Variants in SLC39A11 observed in about 807,000 individuals in gnomAD.
The protein encoded by SLC39A11 is solute carrier family 39 member 11.
SLC39A11 carries 33 observed loss-of-function variants against 36.1 expected under a neutral mutation model. That is an observed-to-expected ratio of 0.91 (90% CI 0.69 to 1.22). The LOEUF (loss-of-function observed/expected upper bound fraction) is 1.22, where lower values mean the gene tolerates loss of function less well. Among genes scored for constraint, SLC39A11 ranks in the 50% most tolerant of loss-of-function variants. The pLI, the probability that SLC39A11 is intolerant of heterozygous loss-of-function variation, is 0.00. For missense variants in SLC39A11, 432 were observed against 430.3 expected, an observed-to-expected ratio of 1.00 and a Z score of -0.03; for synonymous variants, 166 against 170.3, an observed-to-expected ratio of 0.97 and a Z score of 0.20.
rs140565861 is a variant in SLC39A11 at position 72,765,264 on chromosome 17, A to C, written c.602-28545T>G. Among the ~76,000 whole-genome samples the C allele has an allele frequency of 2.1e-3, 316 of 152,188 alleles. 1 individual carries two copies. Among genetic ancestry groups the C allele is most frequent in the African/African-American group, 7.3e-3 (303 of 41,534 alleles). On this transcript the variant is annotated intron_variant, in intron 6 of 9. Transcript: ENST00000255559. ...TCCCTGGACCCTTGACTCTTGACTC[A>C]ATCGGTTCTGAAGCTCCCACCTAGC...
intron 4 of SLC39A11, among the ~76,000 whole-genome samples, chr17:72,959,265 C>T (rs2086442158): frequency 6.9e-6 from 1 of 144,204 alleles, no homozygotes. Flanking sequence ...TGGAATCAAC[C>T]CAAATGCCCA....
At chr17:72,728,622 G>A (rs777683260) in intron 7 of SLC39A11, among the ~76,000 whole-genome samples, 30 of 152,230 alleles carry the variant, frequency 2.0e-4, no homozygotes, top group Non-Finnish European at 3.7e-4. Context: ...AAATGGGTGC[G>A]CGTATGCTCC....
chr17:72,887,344 A>G (rs4605238), intron 5 of SLC39A11, among the ~76,000 whole-genome samples: 75,092 of 151,878 alleles, frequency 0.49, 19,774 homozygotes, highest in East Asian at 0.72. Flanking sequence ...GAGAAAGTGC[A>G]TCGAAACTCC....
intron 5 of SLC39A11, among the ~76,000 whole-genome samples, chr17:72,899,897 G>C (rs527600656): frequency 8.7e-5 from 13 of 148,962 alleles, no homozygotes; most frequent in African/African-American, 3.2e-4. Flanking sequence ...GGGAGGTGGA[G>C]GTTGCAGTGA....
intron 6 of SLC39A11, among the ~76,000 whole-genome samples, chr17:72,792,229 CA>C: frequency 6.6e-6 from 1 of 152,316 alleles, no homozygotes; most frequent in Middle Eastern, 3.4e-3. Context: ...AGGTTGCACA[CA>C]GTGAACCAGA....
At position 72,930,088 on chromosome 17, in the gene SLC39A11, T is replaced by C. The variant is rs545740012; in HGVS notation, c.430+17664A>G. ...AAATGTCCTGTTCTGCAGGTTGAAATATACGATCAAAACCTGCTTTGTGTA... is the reference window on the plus strand; with the variant it reads ...AAATGTCCTGTTCTGCAGGTTGAAACATACGATCAAAACCTGCTTTGTGTA... On this transcript the variant is annotated intron_variant, in intron 5 of 9. Coordinates refer to ENST00000255559, the MANE Select transcript of SLC39A11 (RefSeq NM_139177.4). Among the ~76,000 whole-genome samples, 5 of 152,322 alleles carry C rather than the reference T, an allele frequency of 3.3e-5. No individual in the cohort carries two copies. In the South Asian group the frequency reaches 8.3e-4, roughly 25 times the overall value.
At chr17:72,647,840 C>A (rs74253711) in intron 9 of SLC39A11, among the ~76,000 whole-genome samples, 178 bp from the exon 10 acceptor site, 2 of 152,172 alleles carry the variant, frequency 1.3e-5, no homozygotes, top group East Asian at 3.8e-4. Context: ...GAACCCCAAA[C>A]AACAACCTCA....
rs145310951 is a variant in SLC39A11 at position 72,879,138 on chromosome 17, C to A, written c.431-29334G>T. The stretch of plus-strand genomic sequence containing the variant: ...TCCAGGCACACTATCCTCCAGGAAC[C>A]TCCAAGTGTTCAGCTATCAGGAACT... On this transcript the variant is annotated intron_variant, in intron 5 of 9. Coordinates refer to ENST00000255559, the MANE Select transcript of SLC39A11 (RefSeq NM_139177.4). Among the ~76,000 whole-genome samples the A allele has an allele frequency of 7.2e-5, 11 of 152,360 alleles. No individual in the cohort carries two copies. The East Asian group carries it at 1.9e-3, about 27-fold the overall frequency.
At chr17:73,069,923 A>T (rs898146160) in intron 3 of SLC39A11, among the ~76,000 whole-genome samples, 1 of 152,194 alleles carries the variant, frequency 6.6e-6, no homozygotes, top group Non-Finnish European at 1.5e-5. Context: ...AAAAAGTATA[A>T]AGTCTTGCTT....
In SLC39A11 at chr17:73,085,352, CAA is replaced by C. The variant is rs34697484; in HGVS notation, c.109-508_109-507del. Reference sequence around the variant, plus strand: ...TGAAACCCCATCTCTACTAAAAATACAAAAAAAAATAGGCTGGGTGCAAGGGT... The same window carrying C: ...TGAAACCCCATCTCTACTAAAAATACAAAAAAATAGGCTGGGTGCAAGGGT... On this transcript the variant is annotated intron_variant, in intron 2 of 9. Coordinates refer to ENST00000255559, the MANE Select transcript of SLC39A11 (RefSeq NM_139177.4). Among the ~76,000 whole-genome samples, 1,163 of 150,632 alleles carry C rather than the reference CAA, an allele frequency of 7.7e-3. 15 individuals are homozygous for C. The highest frequency in any genetic ancestry group is 0.026 in the African/African-American group (1,051 of 41,044).
chr17:72,869,442 T>A (rs1261567763), intron 5 of SLC39A11, among the ~76,000 whole-genome samples: 3 of 152,190 alleles, frequency 2.0e-5, no homozygotes, highest in Non-Finnish European at 4.4e-5. Context: ...TAGGCTGGAG[T>A]GCCATGGTGT....
intron 6 of SLC39A11, among the ~76,000 whole-genome samples, chr17:72,834,750 A>G (rs532164997): frequency 2.1e-4 from 32 of 152,380 alleles, no homozygotes; most frequent in Admixed American, 1.1e-3. Context: ...TTCCTAATAC[A>G]AAAATGTATT....
intron 6 of SLC39A11, among the ~76,000 whole-genome samples, chr17:72,843,753 G>GT (rs1160593925): frequency 6.6e-6 from 1 of 152,184 alleles, no homozygotes; most frequent in African/African-American, 2.4e-5. Flanking sequence ...ACATCCTCTT[G>GT]TGAGATGGTG....
At chr17:72,676,960 C>A (rs905856780) in intron 7 of SLC39A11, among the ~76,000 whole-genome samples, 2 of 152,154 alleles carry the variant, frequency 1.3e-5, no homozygotes, top group Admixed American at 1.3e-4. Flanking sequence ...TGGTGGTTTC[C>A]GGACTTTTCC....
chr17:73,067,334 C>T lies in SLC39A11; in HGVS notation c.147+17474G>A, dbSNP rs917419078. ...GGACTTTCAGGGAATCTACCTCCCTCCTGCCACTTTGTAGCATGGAAGGCA... is the reference window on the plus strand; with the variant it reads ...GGACTTTCAGGGAATCTACCTCCCTTCTGCCACTTTGTAGCATGGAAGGCA... On this transcript the variant is annotated intron_variant, in intron 3 of 9. Transcript: ENST00000255559. 2.0e-5 allele frequency among the ~76,000 whole-genome samples: 3 copies of T among 152,314 alleles called. No individual in the cohort carries two copies. The South Asian group carries it at 6.2e-4, about 32-fold the overall frequency.
intron 6 of SLC39A11, among the ~76,000 whole-genome samples, chr17:72,749,875 A>C (rs1784848840): frequency 6.6e-6 from 1 of 152,152 alleles, no homozygotes. Flanking sequence ...CTCCAGGCTC[A>C]GATTCGTAAA....
intron 4 of SLC39A11, among the ~76,000 whole-genome samples, chr17:72,991,244 A>G (rs542425427): frequency 6.6e-6 from 1 of 152,316 alleles, no homozygotes; most frequent in African/African-American, 2.4e-5. Context: ...ATGCTAATAT[A>G]TTTTTATATG....
intron 5 of SLC39A11, among the ~76,000 whole-genome samples, chr17:72,928,802 G>C (rs141027946): frequency 1.0e-3 from 158 of 152,302 alleles, no homozygotes; most frequent in African/African-American, 3.5e-3. Flanking sequence ...CCGAGCAAGA[G>C]TTTTCATCAC....
intron 6 of SLC39A11, among the ~76,000 whole-genome samples, chr17:72,756,361 G>C (rs1392748630): frequency 6.6e-6 from 1 of 152,232 alleles, no homozygotes; most frequent in East Asian, 1.9e-4. Context: ...ATTCACAGCA[G>C]CTCAAACCTG....
Sources: allele counts gnomAD v4.1 joint callset (sites outside exome capture counted in the v4.1 genomes callset), GRCh38; gene constraint gnomAD v4.1.1; transcripts MANE v1.5; gene names NCBI Gene and HGNC (gene_info 2026-07-23, HGNC 2026-07-21).